Variants in PDE4D observed in about 807,000 individuals in gnomAD.
PDE4D encodes phosphodiesterase 4D, also known as 3',5'-cyclic-AMP phosphodiesterase 4D.
In PDE4D, 24 loss-of-function variants were observed where a neutral mutation model predicts 87.4. That is an observed-to-expected ratio of 0.27 (90% CI 0.20 to 0.39). The LOEUF (loss-of-function observed/expected upper bound fraction) is 0.39. PDE4D is among the 10% of genes least tolerant of loss of function. The pLI is 1.00. For missense variants in PDE4D, 714 were observed against 1,041.0 expected (o/e 0.69, Z 4.32); for synonymous variants, 384 against 383.2 (o/e 1.00, Z -0.02).
In PDE4D at chr5:60,081,699, A is replaced by C. The variant is rs147722223; in HGVS notation, c.43-92982T>G. ...GTTCAATTTCCATGAAATTGTGTGG[A>C]TTTTGAGTGAGTTTCTTAATCCTGA... On this transcript the variant is annotated intron_variant, in intron 2 of 16. Coordinates refer to the PDE4D transcript ENST00000502484. Among the ~76,000 whole-genome samples, 15 of 152,022 alleles carry C rather than the reference A, an allele frequency of 9.9e-5. No homozygotes were observed. The East Asian group carries it at 2.9e-3, about 29-fold the overall frequency.
chr5:60,422,607 C>T (rs919124464), intron 1 of PDE4D, among the ~76,000 whole-genome samples: 5 of 152,150 alleles, frequency 3.3e-5, no homozygotes, highest in Non-Finnish European at 5.9e-5. Flanking sequence ...ATTGTAAAGA[C>T]CATCGACACC....
Position 60,152,368 on chromosome 5 carries a change from AG to A in PDE4D, c.42+33188del, listed in dbSNP as rs1781582657. Reference sequence around the variant, plus strand: ...AAATGTTTGGTAGAATTTACCAATGAGGGGGCCAGGTGTGGTGGCTCATGCC... The same window carrying A: ...AAATGTTTGGTAGAATTTACCAATGAGGGGCCAGGTGTGGTGGCTCATGCC... On this transcript the variant is annotated intron_variant, in intron 2 of 16. Transcript: ENST00000502484. Among the ~76,000 whole-genome samples, 6 of 152,202 alleles carry A rather than the reference AG, an allele frequency of 3.9e-5. No homozygotes were observed. In the South Asian group the frequency reaches 1.0e-3, roughly 26 times the overall value.
rs143069372 is a variant in PDE4D at position 60,362,634 on chromosome 5, G to C, written c.-90+125308C>G. ...GCACTTTGGGAGACTGAGGTGGGTG[G>C]ATCACCTAAGGTCAGGAGTTTGAGA... On this transcript the variant is annotated intron_variant, in intron 1 of 16. Coordinates refer to the PDE4D transcript ENST00000502484. 4.0e-3 allele frequency among the ~76,000 whole-genome samples: 616 copies of C among 152,236 alleles called. 1 individual carries two copies. The highest frequency in any genetic ancestry group is 0.013 in the African/African-American group (559 of 41,558).
At chr5:60,324,286 A>G (rs189480905) in intron 1 of PDE4D, among the ~76,000 whole-genome samples, 2 of 152,340 alleles carry the variant, frequency 1.3e-5, no homozygotes, top group African/African-American at 4.8e-5. Flanking sequence ...TTGTTTGTCT[A>G]ACATTTTATT....
chr5:59,720,434 GTGTC>G (rs1304282572), intron 1 of PDE4D, among the ~76,000 whole-genome samples: 1 of 152,102 alleles, frequency 6.6e-6, no homozygotes, highest in East Asian at 1.9e-4. Context: ...ATGAGCCAAA[GTGTC>G]TGGCCCTAAA....
intron 1 of PDE4D, among the ~76,000 whole-genome samples, chr5:59,832,396 C>A (rs558163058): frequency 6.6e-6 from 1 of 152,020 alleles, no homozygotes; most frequent in Non-Finnish European, 1.5e-5. Flanking sequence ...GAAAATGAGT[C>A]GTGATCAAAA....
chr5:59,604,173 G>A (rs978943584), intron 1 of PDE4D, among the ~76,000 whole-genome samples: 10 of 148,172 alleles, frequency 6.7e-5, no homozygotes, highest in Non-Finnish European at 1.0e-4. Flanking sequence ...TAGTATCATC[G>A]GACAGACCTG....
chr5:60,483,352 C>A (rs1326425911), intron 1 of PDE4D, among the ~76,000 whole-genome samples: 1 of 152,136 alleles, frequency 6.6e-6, no homozygotes, highest in Non-Finnish European at 1.5e-5. Flanking sequence ...TATTTCTACC[C>A]AGTACTTTTT....
intron 2 of PDE4D, among the ~76,000 whole-genome samples, chr5:60,144,155 G>A (rs1780798436): frequency 1.3e-5 from 2 of 152,144 alleles, no homozygotes; most frequent in Admixed American, 1.3e-4. Context: ...GCCAAGATAA[G>A]GCTTTTGGTC....
At chr5:59,387,057 C>A (rs1423796496) in intron 1 of PDE4D, among the ~76,000 whole-genome samples, 1 of 152,070 alleles carries the variant, frequency 6.6e-6, no homozygotes, top group African/African-American at 2.4e-5. Context: ...TCTCACTATC[C>A]TGCTGAAATT....
chr5:59,395,007 T>C (rs549902277), intron 1 of PDE4D, among the ~76,000 whole-genome samples: 2 of 152,272 alleles, frequency 1.3e-5, no homozygotes, highest in African/African-American at 4.8e-5. Context: ...CCCACCCGAA[T>C]ACTGCGCTTT....
rs749974452 is a variant in PDE4D at position 60,122,609 on chromosome 5, C to G, written c.42+62948G>C. ...CCTGGTCACTAGACTGCACACAGCA[C>G]GGGGACCCTGGGCCTGGCCCACAAA... On this transcript the variant is annotated intron_variant, in intron 2 of 16. Transcript: ENST00000502484. 3.9e-4 allele frequency among the ~76,000 whole-genome samples: 60 copies of G among 152,260 alleles called. No homozygotes were observed. The Middle Eastern group carries it at 0.01, about 26-fold the overall frequency.
At chr5:59,589,673 G>T (rs566066462) in intron 1 of PDE4D, among the ~76,000 whole-genome samples, 1 of 152,224 alleles carries the variant, frequency 6.6e-6, no homozygotes, top group African/African-American at 2.4e-5. Context: ...ATGGGTGATA[G>T]GATAGTAAGA....
chr5:60,048,878 C>T (rs1769695607), intron 2 of PDE4D, among the ~76,000 whole-genome samples: 1 of 152,124 alleles, frequency 6.6e-6, no homozygotes, highest in Non-Finnish European at 1.5e-5. Flanking sequence ...ATCTTTTTGG[C>T]ATTCTCTGTA....
chr5:59,684,975 C>T (rs1350601380), intron 1 of PDE4D, among the ~76,000 whole-genome samples: 3 of 152,312 alleles, frequency 2.0e-5, no homozygotes, highest in African/African-American at 7.2e-5. Flanking sequence ...TATTCCTCTA[C>T]AAGGGCATTT....
intron 1 of PDE4D, among the ~76,000 whole-genome samples, chr5:60,517,515 G>A (rs1002771233): frequency 1.3e-5 from 2 of 152,178 alleles, no homozygotes; most frequent in Non-Finnish European, 2.9e-5. Flanking sequence ...AAACTCCCTG[G>A]ACTCAGCCAG....
intron 5 of PDE4D, among the ~76,000 whole-genome samples, chr5:59,074,731 C>T (rs1158421601): frequency 6.6e-6 from 1 of 152,106 alleles, no homozygotes; most frequent in Non-Finnish European, 1.5e-5. Context: ...TTCATTCCAG[C>T]CTGGGTGACA....
At chr5:59,173,296 C>A (rs1783303389) in intron 5 of PDE4D, among the ~76,000 whole-genome samples, 1 of 152,126 alleles carries the variant, frequency 6.6e-6, no homozygotes, top group Non-Finnish European at 1.5e-5. Context: ...GCCACGGTGT[C>A]AGATCTGATC....
intron 6 of PDE4D, chr5:58,999,452 C>A: frequency 9.8e-7 from 1 of 1,018,570 alleles, no homozygotes; most frequent in South Asian, 1.4e-5. Context: ...ATTTTGTAAT[C>A]AGAGTAAGGA....
Sources: allele counts gnomAD v4.1 joint callset (sites outside exome capture counted in the v4.1 genomes callset), GRCh38; gene constraint gnomAD v4.1.1; transcripts MANE v1.5; gene names NCBI Gene and HGNC (gene_info 2026-07-23, HGNC 2026-07-21).